The following NLGN1 variants were observed in gnomAD, a reference collection of about 807,000 sequenced individuals.
The protein encoded by NLGN1 is neuroligin-1.
Under a neutral mutation model 65.5 loss-of-function variants are expected in NLGN1, and 12 were observed. The observed-to-expected ratio is 0.18, with a 90% CI of 0.12 to 0.30. The LOEUF is 0.30. NLGN1 is among the 10% of genes least tolerant of loss of function. The pLI, the probability that NLGN1 is intolerant of heterozygous loss-of-function variation, is 1.00. For synonymous variants in NLGN1, 350 were observed against 359.5 expected, an observed-to-expected ratio of 0.97 and a Z score of 0.30; for missense variants, 750 against 1,007.1, an observed-to-expected ratio of 0.74 and a Z score of 3.46.
chr3:174,156,244 A>G (rs1201390440), intron 4 of NLGN1, among the ~76,000 whole-genome samples: 1 of 151,912 alleles, frequency 6.6e-6, no homozygotes, highest in African/African-American at 2.4e-5. Flanking sequence ...CAGTTAGCTG[A>G]CTTAATACTA....
At chr3:173,622,979 G>A (rs904726787) in intron 3 of NLGN1, among the ~76,000 whole-genome samples, 4 of 152,068 alleles carry the variant, frequency 2.6e-5, no homozygotes, top group Admixed American at 1.3e-4. Flanking sequence ...TTCAGAAATC[G>A]TTAACAGAGC....
intron 4 of NLGN1, among the ~76,000 whole-genome samples, chr3:174,103,670 G>A (rs1472052847): frequency 6.6e-6 from 1 of 151,944 alleles, no homozygotes; most frequent in Non-Finnish European, 1.5e-5. Flanking sequence ...GTGAACTAGT[G>A]GTATGATAAA....
At chr3:173,975,639 G>A (rs1357931285) in intron 4 of NLGN1, among the ~76,000 whole-genome samples, 1 of 151,930 alleles carries the variant, frequency 6.6e-6, no homozygotes, top group Non-Finnish European at 1.5e-5. Flanking sequence ...TGCATGGCAT[G>A]GGTGAGAAAT....
intron 4 of NLGN1, among the ~76,000 whole-genome samples, chr3:174,112,848 C>T (rs1715541300): frequency 6.6e-6 from 1 of 151,802 alleles, no homozygotes; most frequent in Admixed American, 6.6e-5. Context: ...ATAGTAAGTA[C>T]TCAATGAGTA....
chr3:173,663,962 G>T (rs1366129715), intron 3 of NLGN1, among the ~76,000 whole-genome samples: 1 of 151,510 alleles, frequency 6.6e-6, no homozygotes, highest in Non-Finnish European at 1.5e-5. Context: ...CTTCTTAGGT[G>T]TTTTTCCCCT....
intron 2 of NLGN1, among the ~76,000 whole-genome samples, chr3:173,475,676 GTTAA>G (rs1560306409): frequency 6.6e-6 from 1 of 152,104 alleles, no homozygotes; most frequent in African/African-American, 2.4e-5. Context: ...TTTAGCAAGA[GTTAA>G]TTAATGACTG....
At chr3:173,539,667 G>A (rs1212658782) in intron 2 of NLGN1, among the ~76,000 whole-genome samples, 7 of 133,662 alleles carry the variant, frequency 5.2e-5, no homozygotes, top group Non-Finnish European at 9.4e-5. Flanking sequence ...GTGTATATAT[G>A]CACATATATA....
intron 2 of NLGN1, among the ~76,000 whole-genome samples, chr3:173,557,233 T>A (rs918859196): frequency 6.6e-6 from 1 of 152,168 alleles, no homozygotes; most frequent in African/African-American, 2.4e-5. Context: ...CTGATAAAAC[T>A]CTGTCTTCAA....
At chr3:173,720,712 C>T (rs376920118) in intron 3 of NLGN1, among the ~76,000 whole-genome samples, 2 of 152,128 alleles carry the variant, frequency 1.3e-5, no homozygotes, top group East Asian at 3.9e-4. Flanking sequence ...TTTGAATCTC[C>T]CTACTAGCAG....
chr3:173,707,833 G>A (rs966826708), intron 3 of NLGN1, among the ~76,000 whole-genome samples: 3 of 152,172 alleles, frequency 2.0e-5, no homozygotes, highest in Admixed American at 2.0e-4. Context: ...CTGTGAGATA[G>A]GGATATGGTA....
intron 3 of NLGN1, among the ~76,000 whole-genome samples, chr3:173,768,681 G>A (rs557314458): frequency 1.3e-4 from 20 of 152,114 alleles, no homozygotes; most frequent in African/African-American, 4.3e-4. Context: ...CTCTTCAAAC[G>A]CATATAATAA....
intron 4 of NLGN1, among the ~76,000 whole-genome samples, chr3:174,190,654 T>C (rs1732223867): frequency 6.6e-6 from 1 of 152,074 alleles, no homozygotes. Context: ...TATTAACATA[T>C]GCATGTATAT....
At chr3:174,139,602 G>A (rs1404481042) in intron 4 of NLGN1, among the ~76,000 whole-genome samples, 1 of 152,050 alleles carries the variant, frequency 6.6e-6, no homozygotes, top group Non-Finnish European at 1.5e-5. Flanking sequence ...TGTGGACCTA[G>A]GTTTCCAACT....
chr3:173,970,848 G>A (rs1455357253), intron 4 of NLGN1, among the ~76,000 whole-genome samples: 1 of 152,124 alleles, frequency 6.6e-6, no homozygotes, highest in Non-Finnish European at 1.5e-5. Flanking sequence ...TTAAAAAGTG[G>A]ACTTGAAGAC....
chr3:173,640,797 A>G (rs914535510), intron 3 of NLGN1, among the ~76,000 whole-genome samples: 4 of 152,174 alleles, frequency 2.6e-5, no homozygotes, highest in African/African-American at 9.7e-5. Flanking sequence ...GCTTACAATA[A>G]TTCACATTCT....
At chr3:173,866,185 G>A (rs1730123976) in intron 4 of NLGN1, among the ~76,000 whole-genome samples, 1 of 152,162 alleles carries the variant, frequency 6.6e-6, no homozygotes, top group South Asian at 2.1e-4. Context: ...AATTAAGGTA[G>A]CTCAGTACCT....
In NLGN1 at chr3:174,034,640, A is replaced by G. The variant is rs568479447; in HGVS notation, c.646+226808A>G. On this transcript the variant is annotated intron_variant, in intron 4 of 6. Coordinates refer to ENST00000457714, the Ensembl canonical transcript of NLGN1. ...GTAGACATCGATTAGTTTAAAATAT[A>G]TACTGTAAACTCTAAGCTAAACACT... Among the ~76,000 whole-genome samples the G allele has an allele frequency of 1.1e-4, 16 of 152,230 alleles. No individual in the cohort carries two copies. The East Asian group carries it at 3.1e-3, about 29-fold the overall frequency.
intron 4 of NLGN1, among the ~76,000 whole-genome samples, chr3:174,028,947 G>T (rs1047487062): frequency 6.6e-6 from 1 of 152,054 alleles, no homozygotes; most frequent in Admixed American, 6.6e-5. Flanking sequence ...GGCTAAAAGG[G>T]GCCAACATAG....
chr3:173,596,659 G>A (rs958454886), intron 2 of NLGN1, among the ~76,000 whole-genome samples: 2 of 135,302 alleles, frequency 1.5e-5, no homozygotes, highest in East Asian at 2.2e-4. Flanking sequence ...TCATGGCAGA[G>A]TAAACTTGTC....
Sources: gnomAD v4.1 joint callset for allele counts (sites outside exome capture counted in the v4.1 genomes callset) on GRCh38, gnomAD v4.1.1 for gene constraint, MANE v1.5 for transcripts, NCBI Gene and HGNC (gene_info 2026-07-23, HGNC 2026-07-21) for gene names.